The following AGAP1 variants were observed in gnomAD, a reference collection of about 807,000 sequenced individuals.
The protein encoded by AGAP1 is arf-GAP with GTPase, ANK repeat and PH domain-containing protein 1.
In AGAP1, 29 loss-of-function variants were observed where a neutral mutation model predicts 105.3. That is an observed-to-expected ratio of 0.28 (90% CI 0.21 to 0.38). AGAP1 has a LOEUF of 0.38. Ranked by LOEUF, AGAP1 falls within the 10% of genes least tolerant of loss-of-function variation. AGAP1 has a pLI of 1.00. For missense variants in AGAP1, 998 were observed against 1,165.1 expected (o/e 0.86, Z 2.09); for synonymous variants, 509 against 485.9 (o/e 1.05, Z -0.63).
chr2:235,651,210 AAAAAAAAGAG>A (rs1238242267), intron 1 of AGAP1, among the ~76,000 whole-genome samples: 1 of 139,558 alleles, frequency 7.2e-6, no homozygotes, highest in African/African-American at 3.0e-5. Flanking sequence ...AAAAAAAAAA[AAAAAAAAGAG>A]ACACCCTTGC....
chr2:235,746,688 G>A (rs1205682397), intron 5 of AGAP1, among the ~76,000 whole-genome samples: 1 of 152,014 alleles, frequency 6.6e-6, no homozygotes, highest in African/African-American at 2.4e-5. Context: ...GAGAAATTCC[G>A]AATAAGCTCC....
At chr2:236,024,111 A>G (rs1375927372) in intron 13 of AGAP1, among the ~76,000 whole-genome samples, 1 of 140,528 alleles carries the variant, frequency 7.1e-6, no homozygotes, top group African/African-American at 2.7e-5. Context: ...GCTCACTACA[A>G]CCTCCGCCTC....
At chr2:235,509,416 G>A (rs1379141954) in intron 1 of AGAP1, among the ~76,000 whole-genome samples, 1 of 151,780 alleles carries the variant, frequency 6.6e-6, no homozygotes, top group African/African-American at 2.4e-5. Flanking sequence ...TGTATTTTTA[G>A]TAGAGACGGT....
chr2:235,891,473 C>G lies in AGAP1; in HGVS notation c.1155+8024C>G, dbSNP rs1192734896. Among the ~76,000 whole-genome samples the G allele has an allele frequency of 2.6e-5, 4 of 152,122 alleles. No individual in the cohort carries two copies. The highest frequency in any genetic ancestry group is 9.7e-5 in the African/African-American group (4 of 41,414). On this transcript the variant is annotated intron_variant, in intron 10 of 17. Transcript: ENST00000304032. The surrounding 1 kb of genome is among the most constrained non-coding windows in gnomAD (Gnocchi z 4.2). ...CAGCCTGTTCTAAGACCCTGAGAGT[C>G]CCTTTCTGTGGACTTAAATGTGAGC...
chr2:235,781,833 A>T (rs1296066371), intron 6 of AGAP1, among the ~76,000 whole-genome samples: 1 of 152,094 alleles, frequency 6.6e-6, no homozygotes, highest in Non-Finnish European at 1.5e-5. Flanking sequence ...TATGTAAATA[A>T]TCTCATCAGA....
chr2:236,011,222 G>C (rs1041013747), intron 13 of AGAP1, among the ~76,000 whole-genome samples: 5 of 152,158 alleles, frequency 3.3e-5, no homozygotes, highest in African/African-American at 1.2e-4. Flanking sequence ...GCACCATTGT[G>C]GGGACAGTGC....
intron 6 of AGAP1, among the ~76,000 whole-genome samples, chr2:235,764,666 TGGGGTGGGGGCATCTGGGAGCGCCC>T (rs1954767504): frequency 7.1e-6 from 1 of 141,498 alleles, no homozygotes; most frequent in East Asian, 2.3e-4. Flanking sequence ...GGAGCGCCCG[TGGGGTGGGGGCATCTGGGAGCGCCC>T]GTGGGGTGGG....
chr2:235,991,306 C>T (rs1341472946), intron 13 of AGAP1, among the ~76,000 whole-genome samples: 1 of 152,152 alleles, frequency 6.6e-6, no homozygotes, highest in Non-Finnish European at 1.5e-5. Flanking sequence ...GCTCATTCTC[C>T]ACATACAATT....
At position 235,725,048 on chromosome 2, in the gene AGAP1, AG is replaced by A. The variant is rs1951578935; in HGVS notation, c.310+7407del. On this transcript the variant is annotated intron_variant, in intron 3 of 17. Transcript: ENST00000304032. The surrounding 1 kb of genome is among the most constrained non-coding windows in gnomAD (Gnocchi z 5.7). ...TCAGGCTGTGCTGCACTGAGGCTGA[AG>A]GGTTCTGGGATTTTCCACTGTGTGT... Among the ~76,000 whole-genome samples the A allele has an allele frequency of 6.6e-6, 1 of 152,112 alleles. No homozygotes were observed. Among genetic ancestry groups the A allele is most frequent in the African/African-American group, 2.4e-5 (1 of 41,408 alleles).
Position 236,096,587 on chromosome 2 carries a change from TA to T in AGAP1, c.2115-23604del, listed in dbSNP as rs1198966855. On this transcript the variant is annotated intron_variant, in intron 16 of 17. Transcript: ENST00000304032. The surrounding 1 kb of genome is among the most constrained non-coding windows in gnomAD (Gnocchi z 4.4). ...GCAGTTTTATTTTTTATTTATTTTT[TA>T]TTTTTTTGGGACAGAGTCTCGCTCT... Among the ~76,000 whole-genome samples, 1 of 152,056 alleles carries T rather than the reference TA, an allele frequency of 6.6e-6. No homozygotes were observed. The highest frequency in any genetic ancestry group is 2.1e-4 in the South Asian group (1 of 4,822).
At chr2:236,006,984 G>C (rs1187685377) in intron 13 of AGAP1, among the ~76,000 whole-genome samples, 2 of 152,126 alleles carry the variant, frequency 1.3e-5, no homozygotes, top group African/African-American at 4.8e-5. Flanking sequence ...GATTAATAAT[G>C]ACCTTGTTTA....
In AGAP1 at chr2:235,976,781, C is replaced by T. The variant is rs2054878151; in HGVS notation, c.1645+8158C>T. On this transcript the variant is annotated intron_variant, in intron 13 of 17. Coordinates refer to ENST00000304032, the MANE Select transcript of AGAP1 (RefSeq NM_001037131.3). The surrounding 1 kb of genome is among the most constrained non-coding windows in gnomAD (Gnocchi z 4.5). ...GCCTGGAGGACCTCAGGGAGGTTCC[C>T]CAAAGGGGAGTAGACACTCACACAC... 6.6e-6 allele frequency among the ~76,000 whole-genome samples: 1 copy of T among 151,980 alleles called. No homozygotes were observed. Among genetic ancestry groups the T allele is most frequent in the African/African-American group, 2.4e-5 (1 of 41,384 alleles).
chr2:235,499,464 T>A (rs1274245118), intron 1 of AGAP1, among the ~76,000 whole-genome samples: 1 of 152,226 alleles, frequency 6.6e-6, no homozygotes, highest in Non-Finnish European at 1.5e-5. Flanking sequence ...ATGTTCATAA[T>A]CCTTCAAGTT....
At position 235,960,851 on chromosome 2, in the gene AGAP1, A is replaced by G. The variant is rs2054152590; in HGVS notation, c.1484-7611A>G. On this transcript the variant is annotated intron_variant, in intron 12 of 17. Coordinates refer to ENST00000304032, the MANE Select transcript of AGAP1 (RefSeq NM_001037131.3). The surrounding 1 kb of genome is among the most constrained non-coding windows in gnomAD (Gnocchi z 4.9). ...GACTCAGTCGTTCGCCTAAAAATAGATTCCAAATGGTTGGAAACTCATAGG... is the reference window on the plus strand; with the variant it reads ...GACTCAGTCGTTCGCCTAAAAATAGGTTCCAAATGGTTGGAAACTCATAGG... 6.6e-6 allele frequency among the ~76,000 whole-genome samples: 1 copy of G among 152,174 alleles called. No individual in the cohort carries two copies. The highest frequency in any genetic ancestry group is 2.4e-5 in the African/African-American group (1 of 41,442).
Position 235,964,769 on chromosome 2 carries a change from G to A in AGAP1, c.1484-3693G>A, listed in dbSNP as rs1289880188. Among the ~76,000 whole-genome samples the A allele has an allele frequency of 2.6e-5, 4 of 152,092 alleles. No homozygotes were observed. The highest frequency in any genetic ancestry group is 5.9e-5 in the Non-Finnish European group (4 of 68,020). On this transcript the variant is annotated intron_variant, in intron 12 of 17. Coordinates refer to ENST00000304032, the MANE Select transcript of AGAP1 (RefSeq NM_001037131.3). The surrounding 1 kb of genome is among the most constrained non-coding windows in gnomAD (Gnocchi z 4.6). ...CCACTACTTTAGAAATATCAGTATT[G>A]TAAAATCATGGGACAGCTTAAAAGG...
chr2:235,678,603 G>A (rs906928013), intron 1 of AGAP1, among the ~76,000 whole-genome samples: 4 of 152,152 alleles, frequency 2.6e-5, no homozygotes, highest in Admixed American at 6.5e-5. Flanking sequence ...AGTTTTCAAG[G>A]TCTAGAGTCC....
rs886682271 is a variant in AGAP1, at chr2:235,957,583, C to T, written c.1484-10879C>T. Reference sequence around the variant, plus strand: ...ACCTCCTCCCGCTGAAAGCTCCCGTCAAAAGGACTATGCGAAGGGGTGAGG... The same window carrying T: ...ACCTCCTCCCGCTGAAAGCTCCCGTTAAAAGGACTATGCGAAGGGGTGAGG... On this transcript the variant is annotated intron_variant, in intron 12 of 17. Coordinates refer to ENST00000304032, the MANE Select transcript of AGAP1 (RefSeq NM_001037131.3). The surrounding 1 kb of genome is among the most constrained non-coding windows in gnomAD (Gnocchi z 4.6). Among the ~76,000 whole-genome samples the T allele has an allele frequency of 1.3e-5, 2 of 152,168 alleles. No individual in the cohort carries two copies. Among genetic ancestry groups the T allele is most frequent in the Admixed American group, 6.5e-5 (1 of 15,282 alleles).
In AGAP1 at chr2:235,958,339, C is replaced by T. The variant is rs551357113; in HGVS notation, c.1484-10123C>T. Among the ~76,000 whole-genome samples, 98 of 152,174 alleles carry T rather than the reference C, an allele frequency of 6.4e-4. No homozygotes were observed. Among genetic ancestry groups the T allele is most frequent in the African/African-American group, 2.4e-3 (98 of 41,526 alleles). ...GACCCGGGAGAGGATTAGGGCCCTG[C>T]TAACGGCAGCAGTAACAGCGGGAGT... is the stretch of plus-strand genomic sequence containing the variant. On this transcript the variant is annotated intron_variant, in intron 12 of 17. Coordinates refer to ENST00000304032, the MANE Select transcript of AGAP1 (RefSeq NM_001037131.3). This position sits in a 1 kb window ranked among gnomAD's most constrained non-coding sequence, Gnocchi z 4.1.
rs368643022 is a variant in AGAP1, at chr2:236,042,919, A to AC, written c.1891+2081dup. Among the ~76,000 whole-genome samples the AC allele has an allele frequency of 3.3e-5, 5 of 152,316 alleles. No individual in the cohort carries two copies. The highest frequency in any genetic ancestry group is 1.2e-4 in the African/African-American group (5 of 41,572). On this transcript the variant is annotated intron_variant, in intron 15 of 17. Transcript: ENST00000304032. The surrounding 1 kb of genome is among the most constrained non-coding windows in gnomAD (Gnocchi z 5.6). ...CCATGCGCTGTCTTTTCATTCTGCA[A>AC]CCCTAGTAGTTGGTGCCCCTGTGGG...
Sources: gnomAD v4.1 joint callset for allele counts (sites outside exome capture counted in the v4.1 genomes callset) on GRCh38, gnomAD v4.1.1 for gene constraint, Gnocchi (gnomAD v3.1) non-coding constraint, MANE v1.5 for transcripts, NCBI Gene and HGNC (gene_info 2026-07-23, HGNC 2026-07-21) for gene names.